The following ESRRG variants were observed in gnomAD, a reference collection of about 807,000 sequenced individuals.
ESRRG encodes the protein estrogen-related receptor gamma.
ESRRG carries 13 observed loss-of-function variants against 44.0 expected under a neutral mutation model. The observed-to-expected ratio is 0.30, with a 90% confidence interval of 0.19 to 0.47. The LOEUF is 0.47. ESRRG is among the 20% of genes least tolerant of loss of function. The pLI is 1.00. For synonymous variants in ESRRG, 215 were observed against 214.6 expected, an observed-to-expected ratio of 1.00 and a Z score of -0.02; for missense variants, 395 against 580.6, an observed-to-expected ratio of 0.68 and a Z score of 3.29.
chr1:216,834,491 G>T (rs908348525), intron 2 of ESRRG, among the ~76,000 whole-genome samples: 1 of 152,108 alleles, frequency 6.6e-6, no homozygotes, highest in Non-Finnish European at 1.5e-5. Flanking sequence ...ATTTATTTTT[G>T]ATTTTTTTAA....
intron 1 of ESRRG, among the ~76,000 whole-genome samples, chr1:217,119,085 A>T (rs73104905): frequency 6.6e-6 from 1 of 152,220 alleles, no homozygotes; most frequent in Non-Finnish European, 1.5e-5. Context: ...ATATATTTCA[A>T]GAAAACAATA....
intron 1 of ESRRG, among the ~76,000 whole-genome samples, chr1:217,063,086 C>CCCT (rs1219473881): frequency 6.6e-6 from 1 of 151,936 alleles, no homozygotes; most frequent in Non-Finnish European, 1.5e-5. Context: ...GTTACCCTTC[C>CCCT]CCTCCTCCTC....
intron 1 of ESRRG, among the ~76,000 whole-genome samples, chr1:217,040,743 C>A (rs964105667): frequency 6.6e-6 from 1 of 152,070 alleles, no homozygotes; most frequent in African/African-American, 2.4e-5. Flanking sequence ...CCCAATAACA[C>A]ACTATTAGCA....
At chr1:216,847,320 T>C (rs571950916) in intron 2 of ESRRG, among the ~76,000 whole-genome samples, 1 of 152,276 alleles carries the variant, frequency 6.6e-6, no homozygotes, top group Admixed American at 6.5e-5. Context: ...CAATTTTAGT[T>C]TTACTTAATA....
intron 2 of ESRRG, among the ~76,000 whole-genome samples, chr1:216,740,074 T>A (rs762679952): frequency 2.6e-5 from 4 of 152,184 alleles, no homozygotes; most frequent in Non-Finnish European, 5.9e-5. Flanking sequence ...TTGCTATTAT[T>A]CTATGCTTAA....
At chr1:216,619,537 G>A (rs372688209) in intron 3 of ESRRG, among the ~76,000 whole-genome samples, 1 of 152,144 alleles carries the variant, frequency 6.6e-6, no homozygotes, top group Non-Finnish European at 1.5e-5. Flanking sequence ...AGCTTTCCAG[G>A]AAGGGCAGTA....
At chr1:217,109,443 T>C (rs17638828) in intron 1 of ESRRG, among the ~76,000 whole-genome samples, 2,286 of 152,288 alleles carry the variant, frequency 0.015, 29 homozygotes, top group Non-Finnish European at 0.024. Flanking sequence ...CCTTTTCTAA[T>C]GACCAAATGC....
chr1:216,549,546 C>T (rs1358616677), intron 5 of ESRRG, among the ~76,000 whole-genome samples: 1 of 152,056 alleles, frequency 6.6e-6, no homozygotes, highest in Non-Finnish European at 1.5e-5. Context: ...ATCAGATAGT[C>T]CATCCATACA....
chr1:216,725,567 G>A, upstream of ESRRG, among the ~76,000 whole-genome samples: 1 of 152,000 alleles, frequency 6.6e-6, no homozygotes, highest in East Asian at 1.9e-4. Context: ...AAATATGGAA[G>A]CTAATACTGC....
chr1:216,594,478 G>T (rs889349158), intron 3 of ESRRG, among the ~76,000 whole-genome samples: 5 of 152,104 alleles, frequency 3.3e-5, no homozygotes, highest in African/African-American at 1.2e-4. Context: ...CTACTCTAGA[G>T]GGAAGACTTT....
chr1:216,597,081 A>G (rs2058546749), intron 3 of ESRRG, among the ~76,000 whole-genome samples: 1 of 152,144 alleles, frequency 6.6e-6, no homozygotes, highest in African/African-American at 2.4e-5. Flanking sequence ...CAGAACCCAC[A>G]TTTACCCACA....
chr1:217,121,272 T>C (rs2092815695), intron 1 of ESRRG, among the ~76,000 whole-genome samples: 1 of 152,086 alleles, frequency 6.6e-6, no homozygotes, highest in African/African-American at 2.4e-5. Flanking sequence ...TAGTAAAGTG[T>C]CAGAAATGAG....
chr1:216,765,234 A>T (rs1194636426), intron 2 of ESRRG, among the ~76,000 whole-genome samples: 1 of 152,096 alleles, frequency 6.6e-6, no homozygotes, highest in Non-Finnish European at 1.5e-5. Context: ...GCAGGAAGGG[A>T]GAAAACATCA....
At chr1:216,641,229 T>A (rs1164737741) in intron 3 of ESRRG, among the ~76,000 whole-genome samples, 3 of 152,208 alleles carry the variant, frequency 2.0e-5, no homozygotes, top group African/African-American at 7.2e-5. Context: ...GCTGAAATAA[T>A]CTGTAGTGCT....
intron 2 of ESRRG, among the ~76,000 whole-genome samples, chr1:216,926,783 C>G (rs1300139779): frequency 1.3e-5 from 2 of 152,036 alleles, no homozygotes; most frequent in Non-Finnish European, 2.9e-5. Flanking sequence ...GTGTAGGTGA[C>G]AAAAAAGCCT....
At chr1:216,650,919 C>G in intron 3 of ESRRG, 54 bp downstream of exon 3, 1 of 1,144,130 alleles carries the variant, frequency 8.7e-7, no homozygotes, top group Non-Finnish European at 1.3e-6. Context: ...AATTTTTTGC[C>G]TCCCATCCCC....
intron 1 of ESRRG, among the ~76,000 whole-genome samples, chr1:217,039,014 A>G (rs986689459): frequency 5.9e-5 from 9 of 152,202 alleles, no homozygotes; most frequent in Non-Finnish European, 1.2e-4. Flanking sequence ...TCTCTAGGGC[A>G]GGGACAAAAT....
intron 1 of ESRRG, among the ~76,000 whole-genome samples, chr1:217,006,309 T>C (rs2077728429): frequency 6.6e-6 from 1 of 152,140 alleles, no homozygotes; most frequent in African/African-American, 2.4e-5. Flanking sequence ...TTATTGGTGT[T>C]AGGCTTATCT....
At chr1:216,700,500 A>G (rs967916828) in intron 1 of ESRRG, among the ~76,000 whole-genome samples, 7 of 152,176 alleles carry the variant, frequency 4.6e-5, no homozygotes, top group Non-Finnish European at 8.8e-5. Context: ...ATACACAAAC[A>G]CACACACTTA....
Sources: allele counts gnomAD v4.1 joint callset (sites outside exome capture counted in the v4.1 genomes callset), GRCh38; gene constraint gnomAD v4.1.1; transcripts MANE v1.5; gene names NCBI Gene and HGNC (gene_info 2026-07-23, HGNC 2026-07-21).